The following TMEM132C variants were observed in gnomAD, a reference collection of about 807,000 sequenced individuals.
The protein encoded by TMEM132C is protein phosphatase 1, regulatory subunit 152.
In TMEM132C, 29 loss-of-function variants were observed where a neutral mutation model predicts 61.4. That is an observed-to-expected ratio of 0.47 (90% CI 0.35 to 0.64). The LOEUF (loss-of-function observed/expected upper bound fraction) is 0.64. TMEM132C is among the 30% of genes least tolerant of loss of function. The pLI, the probability that TMEM132C is intolerant of heterozygous loss-of-function variation, is 0.00. For missense variants in TMEM132C, 1,408 were observed against 1,476.9 expected (o/e 0.95, Z 0.76); for synonymous variants, 656 against 633.1 (o/e 1.04, Z -0.54).
intron 1 of TMEM132C, among the ~76,000 whole-genome samples, chr12:128,301,325 T>A (rs960239816): frequency 6.6e-6 from 1 of 152,220 alleles, no homozygotes; most frequent in Non-Finnish European, 1.5e-5. Flanking sequence ...AGTTCCCGCC[T>A]CATTGCTGTG....
chr12:128,555,734 A>G (rs550938887), intron 3 of TMEM132C, among the ~76,000 whole-genome samples: 11 of 140,882 alleles, frequency 7.8e-5, no homozygotes, highest in Admixed American at 6.5e-4. Flanking sequence ...TTTTTCTTTG[A>G]TACAAGATCT....
chr12:128,501,221 C>G (rs1872166627), intron 2 of TMEM132C, among the ~76,000 whole-genome samples: 1 of 152,082 alleles, frequency 6.6e-6, no homozygotes, highest in East Asian at 1.9e-4. Flanking sequence ...CTGATGGAAC[C>G]AAGACTGATG....
intron 1 of TMEM132C, among the ~76,000 whole-genome samples, chr12:128,327,473 C>G (rs1198092889): frequency 1.4e-5 from 2 of 143,508 alleles, no homozygotes; most frequent in East Asian, 3.9e-4. Flanking sequence ...ACCTCCGCCT[C>G]CTGGCTTCTC....
At chr12:128,603,602 C>T (rs1443554003) in intron 3 of TMEM132C, among the ~76,000 whole-genome samples, 3 of 152,138 alleles carry the variant, frequency 2.0e-5, no homozygotes, top group African/African-American at 7.2e-5. Context: ...CACTTAGAGC[C>T]AGTCTACAGA....
intron 3 of TMEM132C, among the ~76,000 whole-genome samples, chr12:128,606,118 C>G (rs1352945250): frequency 1.3e-5 from 2 of 152,238 alleles, no homozygotes; most frequent in Non-Finnish European, 1.5e-5. Flanking sequence ...ACCCAAACCT[C>G]TGAGGCCTTC....
intron 1 of TMEM132C, among the ~76,000 whole-genome samples, chr12:128,283,904 C>T (rs1870976966): frequency 6.6e-6 from 1 of 152,168 alleles, no homozygotes; most frequent in South Asian, 2.1e-4. Flanking sequence ...CCTTGCTGGG[C>T]CTCTCCTGAT....
intron 2 of TMEM132C, among the ~76,000 whole-genome samples, chr12:128,473,400 T>TTAC (rs1871038684): frequency 3.9e-5 from 3 of 76,624 alleles, no homozygotes; most frequent in African/African-American, 5.1e-5. Context: ...CCATCTTCAT[T>TTAC]TTCACTCCAG....
At chr12:128,346,885 A>C (rs528133845) in intron 1 of TMEM132C, among the ~76,000 whole-genome samples, 1 of 152,202 alleles carries the variant, frequency 6.6e-6, no homozygotes, top group African/African-American at 2.4e-5. Context: ...AGTCTTGATC[A>C]ATATGGCTTT....
At chr12:128,576,585 A>G (rs1262651642) in intron 3 of TMEM132C, among the ~76,000 whole-genome samples, 1 of 152,230 alleles carries the variant, frequency 6.6e-6, no homozygotes. Context: ...ACATGCTTGT[A>G]CACTTTCTAT....
chr12:128,583,436 ACTG>A (rs1875422810), intron 3 of TMEM132C, among the ~76,000 whole-genome samples: 1 of 152,044 alleles, frequency 6.6e-6, no homozygotes, highest in Non-Finnish European at 1.5e-5. Flanking sequence ...TGAGCTAAGT[ACTG>A]AAGAAAAGTT....
chr12:128,644,061 C>T (rs35026341), intron 4 of TMEM132C, among the ~76,000 whole-genome samples: 17,586 of 152,234 alleles, frequency 0.12, 1,137 homozygotes, highest in Non-Finnish European at 0.15. Context: ...TATCGCCTCC[C>T]ATGCACGACA....
At chr12:128,374,653 G>A (rs943913015) in intron 1 of TMEM132C, among the ~76,000 whole-genome samples, 1 of 152,032 alleles carries the variant, frequency 6.6e-6, no homozygotes, top group African/African-American at 2.4e-5. Flanking sequence ...TGTCCTCCTG[G>A]CCAGGAGGGT....
chr12:128,525,358 CT>C, intron 2 of TMEM132C, among the ~76,000 whole-genome samples: 1 of 152,038 alleles, frequency 6.6e-6, no homozygotes, highest in African/African-American at 2.4e-5. Flanking sequence ...CTCTCTCTCT[CT>C]CTCCCTCCTT....
At chr12:128,318,969 C>T (rs1432733953) in intron 1 of TMEM132C, among the ~76,000 whole-genome samples, 1 of 152,176 alleles carries the variant, frequency 6.6e-6, no homozygotes, top group African/African-American at 2.4e-5. Flanking sequence ...CCTTACTTCC[C>T]CTAGAGCTTA....
chr12:128,624,404 C>T (rs993808913), intron 4 of TMEM132C, among the ~76,000 whole-genome samples: 2 of 151,848 alleles, frequency 1.3e-5, no homozygotes, highest in South Asian at 2.1e-4. Context: ...ATTAGCTGGA[C>T]GTGGTGGCGG....
At chr12:128,268,500 C>T (rs1262560228) in intron 1 of TMEM132C, among the ~76,000 whole-genome samples, 1 of 152,052 alleles carries the variant, frequency 6.6e-6, no homozygotes, top group African/African-American at 2.4e-5. Context: ...GAGAGCGTCG[C>T]TTTCCTGCTC....
At chr12:128,294,346 A>G (rs1566045813) in intron 1 of TMEM132C, among the ~76,000 whole-genome samples, 1 of 152,222 alleles carries the variant, frequency 6.6e-6, no homozygotes. Flanking sequence ...ACAATGCTCA[A>G]CAGCAGCAAA....
intron 2 of TMEM132C, among the ~76,000 whole-genome samples, chr12:128,459,459 A>C (rs2136066890): frequency 6.6e-6 from 1 of 152,294 alleles, no homozygotes; most frequent in Non-Finnish European, 1.5e-5. Flanking sequence ...GGTTGATAGA[A>C]GTTGGTGGTA....
At position 128,343,723 on chromosome 12, in the gene TMEM132C, GA is replaced by G. The variant is rs113660721; in HGVS notation, c.86-71001del. Among the ~76,000 whole-genome samples, 694 of 151,808 alleles carry G rather than the reference GA, an allele frequency of 4.6e-3. 5 individuals are homozygous for G. The highest frequency in any genetic ancestry group is 0.016 in the African/African-American group (671 of 41,392). The stretch of plus-strand genomic sequence containing the variant: ...AAATTTAGATTATGTTTTCCACCCA[GA>G]AAAAAAACCCTGTATTCATTCAGCA... On this transcript the variant is annotated intron_variant, in intron 1 of 8. Coordinates refer to ENST00000435159, the MANE Select transcript of TMEM132C (RefSeq NM_001136103.3).
Sources: allele counts gnomAD v4.1 joint callset (sites outside exome capture counted in the v4.1 genomes callset), GRCh38; gene constraint gnomAD v4.1.1; transcripts MANE v1.5; gene names NCBI Gene and HGNC (gene_info 2026-07-23, HGNC 2026-07-21).